OSBPL8: variants seen among roughly 807,000 people sequenced by gnomAD.
OSBPL8 encodes the protein oxysterol binding protein like 8.
Under a neutral mutation model 125.5 loss-of-function variants are expected in OSBPL8, and 59 were observed. That is an observed-to-expected ratio of 0.47 (90% CI 0.38 to 0.58). The LOEUF (loss-of-function observed/expected upper bound fraction) is 0.58. Among genes scored for constraint, OSBPL8 ranks in the 20% least tolerant of loss-of-function variants. OSBPL8 has a pLI of 0.00. For missense variants in OSBPL8, 758 were observed against 1,047.8 expected, an observed-to-expected ratio of 0.72 and a Z score of 3.82; for synonymous variants, 330 against 338.9, an observed-to-expected ratio of 0.97 and a Z score of 0.29.
chr12:76,553,976 C>CAA (rs11395533), intron 1 of OSBPL8, among the ~76,000 whole-genome samples: 50,077 of 95,388 alleles, frequency 0.52, 13,871 homozygotes, highest in East Asian at 0.86. Flanking sequence ...GACTCTATCT[C>CAA]AAAAAAAAAA....
chr12:76,465,134 A>G (rs553932321), intron 2 of OSBPL8, among the ~76,000 whole-genome samples: 5 of 152,340 alleles, frequency 3.3e-5, no homozygotes, highest in South Asian at 4.1e-4. Flanking sequence ...TCTCGGAACT[A>G]CAGCTTATCA....
chr12:76,457,164 A>G (rs1257909054), intron 3 of OSBPL8, among the ~76,000 whole-genome samples: 1 of 152,234 alleles, frequency 6.6e-6, no homozygotes. Flanking sequence ...CAGCATTTTA[A>G]GCAGATATTC....
At chr12:76,535,719 T>C (rs1950474916) in intron 1 of OSBPL8, among the ~76,000 whole-genome samples, 2 of 152,046 alleles carry the variant, frequency 1.3e-5, no homozygotes, top group South Asian at 4.1e-4. Context: ...TGGAATACTA[T>C]CCCAAAATAA....
At chr12:76,443,747 T>A (rs1872458755) in intron 4 of OSBPL8, among the ~76,000 whole-genome samples, 1 of 152,132 alleles carries the variant, frequency 6.6e-6, no homozygotes, top group Non-Finnish European at 1.5e-5. Flanking sequence ...CCCCAGGTTA[T>A]CTGCCCCCCT....
Position 76,402,708 on chromosome 12 carries a change from G to C in OSBPL8, c.347C>G (p.Thr116Arg), listed in dbSNP as rs753921979. 23 of 1,604,792 alleles carry C rather than the reference G, an allele frequency of 1.4e-5. No homozygotes were observed. The African/African-American group carries it at 2.6e-4, about 18-fold the overall frequency. ...EKDSSTSSKLTKKESLKVQKK... is the reference protein window; with the variant it reads ...EKDSSTSSKLRKKESLKVQKK... ...ACTAACCTTAAGAGATTCTTTTTTT[G>C]TGAGTTTGCTTGAAGTTGAACTGTC... Residue 116 changes from threonine to arginine, a missense_variant, in exon 6 of 24, where the codon ACA becomes AGA. Transcript: ENST00000261183.
At chr12:76,357,156 T>C (rs1952017964) in intron 22 of OSBPL8, among the ~76,000 whole-genome samples, 1 of 152,214 alleles carries the variant, frequency 6.6e-6, no homozygotes. Flanking sequence ...AAATTTTTAC[T>C]GCCAATCAGC....
At chr12:76,506,485 T>A (rs1470175709) in intron 1 of OSBPL8, among the ~76,000 whole-genome samples, 1 of 152,204 alleles carries the variant, frequency 6.6e-6, no homozygotes, top group East Asian at 1.9e-4. Flanking sequence ...GCTGAGGTGC[T>A]CCAGTATTAA....
chr12:76,359,276 G>GT (rs1952106171), intron 21 of OSBPL8, among the ~76,000 whole-genome samples: 1 of 152,128 alleles, frequency 6.6e-6, no homozygotes, highest in Admixed American at 6.5e-5. Flanking sequence ...ACAATGCTGG[G>GT]TTTCCAGTAA....
chr12:76,410,519 T>C, intron 5 of OSBPL8, 45 bp downstream of exon 5: 1 of 1,406,798 alleles, frequency 7.1e-7, no homozygotes, highest in Non-Finnish European at 9.9e-7. Context: ...TCATCTCAAA[T>C]ATTAAGAATA....
chr12:76,361,003 T>A (rs1253447342), intron 21 of OSBPL8, among the ~76,000 whole-genome samples: 1 of 152,220 alleles, frequency 6.6e-6, no homozygotes, highest in African/African-American at 2.4e-5. Context: ...TTCTTGGGGA[T>A]TAACATTCGG....
At chr12:76,500,930 A>C (rs1879834794) in intron 1 of OSBPL8, among the ~76,000 whole-genome samples, 1 of 152,200 alleles carries the variant, frequency 6.6e-6, no homozygotes, top group African/African-American at 2.4e-5. Context: ...CTGACATATA[A>C]GCAGTTCAGT....
chr12:76,492,648 AG>A (rs750768020), intron 1 of OSBPL8, among the ~76,000 whole-genome samples: 27 of 152,352 alleles, frequency 1.8e-4, no homozygotes, highest in Middle Eastern at 6.8e-3. Flanking sequence ...GTGCACACGA[AG>A]AATCTAGGTT....
intron 8 of OSBPL8, among the ~76,000 whole-genome samples, chr12:76,397,347 AG>A (rs1300464233): frequency 7.5e-4 from 1 of 1,336 alleles, no homozygotes; most frequent in East Asian, 0.083. Context: ...GGGGGTGGGG[AG>A]GGGGGGTGGG....
chr12:76,411,023 A>G (rs1490560292), intron 4 of OSBPL8, among the ~76,000 whole-genome samples: 1 of 152,200 alleles, frequency 6.6e-6, no homozygotes, highest in East Asian at 1.9e-4. Flanking sequence ...GTGATGAAAG[A>G]CTGGGGAAAT....
intron 4 of OSBPL8, among the ~76,000 whole-genome samples, chr12:76,431,805 T>A (rs1870862200): frequency 6.6e-6 from 1 of 152,120 alleles, no homozygotes; most frequent in Non-Finnish European, 1.5e-5. Flanking sequence ...TAATAGCAAT[T>A]CAATACTCCA....
At chr12:76,382,783 T>A (rs1953118626) in intron 15 of OSBPL8, among the ~76,000 whole-genome samples, 1 of 152,190 alleles carries the variant, frequency 6.6e-6, no homozygotes, top group Non-Finnish European at 1.5e-5. Context: ...CTTGGGAGGC[T>A]GAGGCAGGAG....
chr12:76,360,250 C>T (rs772481816), intron 21 of OSBPL8, among the ~76,000 whole-genome samples: 1 of 152,172 alleles, frequency 6.6e-6, no homozygotes, highest in Non-Finnish European at 1.5e-5. Context: ...GTCATAGGGC[C>T]CATGCAAGTC....
intron 4 of OSBPL8, among the ~76,000 whole-genome samples, chr12:76,436,970 C>G (rs890628201): frequency 1.3e-5 from 2 of 151,980 alleles, no homozygotes; most frequent in Non-Finnish European, 2.9e-5. Context: ...TAATTTGTTT[C>G]GTAAATTCTT....
chr12:76,373,618 T>A (rs1952701980), intron 17 of OSBPL8, 185 bp from the exon 18 acceptor site: 2 of 469,376 alleles, frequency 4.3e-6, no homozygotes, highest in Non-Finnish European at 7.5e-6. Context: ...GAATTGCTGC[T>A]ATGAAAAAAA....
Sources: gnomAD v4.1 joint callset for allele counts (sites outside exome capture counted in the v4.1 genomes callset) on GRCh38, gnomAD v4.1.1 for gene constraint, MANE v1.5 for transcripts, NCBI Gene and HGNC (gene_info 2026-07-23, HGNC 2026-07-21) for gene names.